Variants in SLC22A16 observed in about 807,000 individuals in gnomAD.
SLC22A16 encodes the protein WUGSC:RG331P03.1.
A neutral mutation model predicts 52.9 loss-of-function variants in SLC22A16; 53 were observed. The observed-to-expected ratio is 1.00, with a 90% CI of 0.80 to 1.26. The LOEUF (loss-of-function observed/expected upper bound fraction) is 1.26. Among genes scored for constraint, SLC22A16 ranks in the 50% most tolerant of loss-of-function variants. The pLI, the probability that SLC22A16 is intolerant of heterozygous loss-of-function variation, is 0.00. For synonymous variants in SLC22A16, 291 were observed against 268.8 expected, an observed-to-expected ratio of 1.08 and a Z score of -0.81; for missense variants, 726 against 704.0, an observed-to-expected ratio of 1.03 and a Z score of -0.35.
At chr6:110,463,514 T>TA (rs386408237) in intron 1 of SLC22A16, among the ~76,000 whole-genome samples, 818 of 53,244 alleles carry the variant, frequency 0.015, 32 homozygotes, top group African/African-American at 0.059. Flanking sequence ...GTAACAACAG[T>TA]AAAAAAAAAA....
At chr6:110,476,154 A>T in intron 1 of SLC22A16, 1 of 415,424 alleles carries the variant, frequency 2.4e-6, no homozygotes, top group Non-Finnish European at 4.4e-6. Flanking sequence ...GGATTAGAGA[A>T]ACGGGCGGCC....
intron 5 of SLC22A16, among the ~76,000 whole-genome samples, chr6:110,436,349 G>C (rs940665858): frequency 6.6e-6 from 1 of 152,208 alleles, no homozygotes; most frequent in East Asian, 1.9e-4. Context: ...TGTGAGCCGG[G>C]CCTAATGGCT....
intron 4 of SLC22A16, chr6:110,440,408 G>A (rs535479953): frequency 6.6e-6 from 1 of 152,548 alleles, no homozygotes; most frequent in East Asian, 1.9e-4. Flanking sequence ...GGTGAGCAAG[G>A]AGAGAAGGCA....
intron 2 of SLC22A16, among the ~76,000 whole-genome samples, chr6:110,451,190 A>C (rs1413097256): frequency 6.6e-6 from 1 of 152,190 alleles, no homozygotes; most frequent in African/African-American, 2.4e-5. Flanking sequence ...AATATATTTT[A>C]ATACATGTGT....
intron 1 of SLC22A16, among the ~76,000 whole-genome samples, chr6:110,459,375 A>T (rs1296365149): frequency 6.6e-6 from 1 of 152,196 alleles, no homozygotes; most frequent in Non-Finnish European, 1.5e-5. Context: ...CCCTCCTATG[A>T]TCTGATGAGA....
At position 110,429,288 on chromosome 6, in the gene SLC22A16, G is replaced by A. The variant is rs373839334; in HGVS notation, c.1521+1883C>T. Among the ~76,000 whole-genome samples, 10 of 152,258 alleles carry A rather than the reference G, an allele frequency of 6.6e-5. No individual in the cohort carries two copies. In the East Asian group the frequency reaches 1.4e-3, roughly 21 times the overall value. ...ACCTCAGAGTCAGTCTGAGAAAGTG[G>A]CTGGGATCTAACACCCCAATGGCAC... is the stretch of plus-strand genomic sequence containing the variant. On this transcript the variant is annotated intron_variant, in intron 7 of 7. Transcript: ENST00000368919.
rs6929164 is a variant in SLC22A16, at chr6:110,448,321, C to A, written c.534-1331G>T. Among the ~76,000 whole-genome samples the A allele has an allele frequency of 2.3e-3, 345 of 152,248 alleles. 3 individuals are homozygous for A. Among genetic ancestry groups the A allele is most frequent in the African/African-American group, 8.0e-3 (332 of 41,546 alleles). ...CTTTAGAGAAATGTTTATCCAAATT[C>A]TTTGCCCATTTTTGAATTAGTCTAT... On this transcript the variant is annotated intron_variant, in intron 2 of 7. Transcript: ENST00000368919.
intron 6 of SLC22A16, among the ~76,000 whole-genome samples, chr6:110,433,098 C>CTAA (rs1034247407): frequency 3.0e-4 from 46 of 152,042 alleles, no homozygotes; most frequent in African/African-American, 1.1e-3. Flanking sequence ...CGAGAGTGGT[C>CTAA]TAATAATAGC....
chr6:110,471,900 C>T (rs1776273058), intron 1 of SLC22A16, among the ~76,000 whole-genome samples: 1 of 152,208 alleles, frequency 6.6e-6, no homozygotes, highest in African/African-American at 2.4e-5. Context: ...TGCTGAGGCA[C>T]AGCTGGAACA....
Position 110,438,805 on chromosome 6 carries a change from A to G in SLC22A16, c.1226T>C (p.Met409Thr), listed in dbSNP as rs12210538. The G allele has an allele frequency of 0.21, 332,490 of 1,613,622 alleles. 37,919 individuals are homozygous for G. Among genetic ancestry groups the G allele is most frequent in the Middle Eastern group, 0.26 (1,576 of 6,058 alleles). Residue 409 changes from methionine (M) to threonine (T), a missense_variant, in exon 5 of 8, where the codon ATG becomes ACG. Met to Thr is a moderately conservative substitution (Grantham distance 81, BLOSUM62 -1). Transcript: ENST00000368919. The stretch of plus-strand genomic sequence containing the variant: ...GACTGTTCTCCTCCCGACCTTGTCC[A>G]TGGCGATGCACACGAAGGTGTAGGC... ...IPAYTFVCIA[M>T]DKVGRRTVLA...
chr6:110,442,366 C>T lies in SLC22A16; in HGVS notation c.1061G>A (p.Ser354Asn). 1.9e-6 allele frequency: 3 copies of T among 1,614,186 alleles called. No individual in the cohort carries two copies. The highest frequency in any genetic ancestry group is 2.5e-6 in the Non-Finnish European group (3 of 1,180,034). ...HNLSYLFYNW[S>N]ITKRTLTVWL... ...AACGGTAAGTGTCCTTTTCGTAATG[C>T]TCCAGTTATAAAACAGATATGATAG... Residue 354 changes from serine to asparagine, a missense_variant, in exon 4 of 8, where the codon AGC becomes AAC. By Grantham distance (46) the Ser-to-Asn change is conservative. Transcript: ENST00000368919.
intron 1 of SLC22A16, among the ~76,000 whole-genome samples, chr6:110,459,864 C>T (rs186780412): frequency 2.8e-4 from 42 of 152,070 alleles, no homozygotes; most frequent in African/African-American, 9.4e-4. Flanking sequence ...GACATATTTT[C>T]TGAAGTAAAA....
rs778197382 is a variant in SLC22A16, at chr6:110,476,507, G to GCACCC, written c.53+14_53+15insGGGTG. 1 of 1,072,998 alleles carries GCACCC rather than the reference G, an allele frequency of 9.3e-7. No homozygotes were observed. Among genetic ancestry groups the GCACCC allele is most frequent in the African/African-American group, 2.8e-5 (1 of 35,466 alleles). 66.5% of individuals were successfully genotyped at this position (1,072,998 alleles called of 1,614,324 possible). A position where few individuals can be genotyped will look rare whatever the true frequency, so the allele number is the denominator to read the frequency against. ...GCCGCCTCCCGCGTGGCGCCGCGGG[G>GCACCC]CCCCTCCCCCATACCTGCCGAAGTG... On this transcript the variant is annotated intron_variant, in intron 1 of 7. Transcript: ENST00000368919.
At position 110,424,751 on chromosome 6, in the gene SLC22A16, T is replaced by G. The variant is rs2086571178; in HGVS notation, c.*122A>C. 8.4e-7 allele frequency: 1 copy of G among 1,188,466 alleles called. No individual in the cohort carries two copies. The highest frequency in any genetic ancestry group is 2.7e-5 in the Admixed American group (1 of 36,856). The allele number at this position is 1,188,466 out of a possible 1,614,324, so 73.6% of individuals were successfully genotyped here. On this transcript the variant is annotated 3_prime_UTR_variant, in exon 8 of 8. Transcript: ENST00000368919. ...TTTATAACATATTTGCTTTAAAATTTTCTTACAAAATTTATTAAAAAGACA... is the reference window on the plus strand; with the variant it reads ...TTTATAACATATTTGCTTTAAAATTGTCTTACAAAATTTATTAAAAAGACA...
At chr6:110,473,317 C>T (rs969540695) in intron 1 of SLC22A16, among the ~76,000 whole-genome samples, 2 of 151,972 alleles carry the variant, frequency 1.3e-5, no homozygotes, top group African/African-American at 4.8e-5. Flanking sequence ...CCTCTTAACC[C>T]AGGACAACTA....
chr6:110,430,924 G>A (rs1173179869), intron 7 of SLC22A16, among the ~76,000 whole-genome samples: 1 of 152,316 alleles, frequency 6.6e-6, no homozygotes, highest in African/African-American at 2.4e-5. Flanking sequence ...GTGAGGACAT[G>A]CCCTTTTGTG....
intron 1 of SLC22A16, among the ~76,000 whole-genome samples, chr6:110,457,627 A>G (rs1775715375): frequency 6.6e-6 from 1 of 152,222 alleles, no homozygotes; most frequent in Admixed American, 6.5e-5. Context: ...TTATTTCAAT[A>G]CTATAATAAT....
At chr6:110,437,671 A>T (rs1774787508) in intron 5 of SLC22A16, among the ~76,000 whole-genome samples, 1 of 152,268 alleles carries the variant, frequency 6.6e-6, no homozygotes, top group African/African-American at 2.4e-5. Flanking sequence ...TCACAGGAGA[A>T]CATTAAATAA....
At chr6:110,459,805 A>C (rs1371344550) in intron 1 of SLC22A16, among the ~76,000 whole-genome samples, 1 of 152,228 alleles carries the variant, frequency 6.6e-6, no homozygotes, top group Non-Finnish European at 1.5e-5. Context: ...AGTTTATTTA[A>C]AAATTTAAAA....
Sources: gnomAD v4.1 joint callset for allele counts (sites outside exome capture counted in the v4.1 genomes callset) on GRCh38, gnomAD v4.1.1 for gene constraint, MANE v1.5 for transcripts, NCBI Gene and HGNC (gene_info 2026-07-23, HGNC 2026-07-21) for gene names.